Variants in LPXN observed in about 807,000 individuals in gnomAD.
LPXN encodes leupaxin.
LPXN carries 28 observed loss-of-function variants against 45.6 expected under a neutral mutation model. The observed-to-expected ratio is 0.61, with a 90% CI of 0.45 to 0.84. The LOEUF is 0.84. Ranked by LOEUF, LPXN falls within the 40% of genes least tolerant of loss-of-function variation. LPXN has a pLI of 0.00. For synonymous variants in LPXN, 166 were observed against 169.9 expected (o/e 0.98, Z 0.18); for missense variants, 459 against 475.0 (o/e 0.97, Z 0.31).
chr11:58,558,935 A>G lies in LPXN; in HGVS notation c.219-3995T>C, dbSNP rs1328252819. Among the ~76,000 whole-genome samples, 8 of 151,986 alleles carry G rather than the reference A, an allele frequency of 5.3e-5. No homozygotes were observed. The East Asian group carries it at 1.5e-3, about 29-fold the overall frequency. On this transcript the variant is annotated intron_variant, in intron 3 of 8. Coordinates refer to ENST00000395074, the MANE Select transcript of LPXN (RefSeq NM_004811.3). ...AATGAAAAAAATATTGATACAGCTA[A>G]GTTCACAAAACTTAAATATAAATAA...
chr11:58,577,982 T>C (rs774428888), upstream of LPXN: 5 of 1,549,146 alleles, frequency 3.2e-6, no homozygotes, highest in Non-Finnish European at 4.4e-6. Context: ...ATTTAGTCGC[T>C]GACCTCTAGG....
chr11:58,550,208 G>A, intron 5 of LPXN, 62 bp from the exon 6 acceptor site: 5 of 1,508,942 alleles, frequency 3.3e-6, no homozygotes, highest in Non-Finnish European at 4.6e-6. Context: ...CCTACAGGTT[G>A]CACAACTCTA....
chr11:58,537,527 G>T (rs897395878), intron 7 of LPXN, among the ~76,000 whole-genome samples: 1 of 152,018 alleles, frequency 6.6e-6, no homozygotes, highest in Non-Finnish European at 1.5e-5. Flanking sequence ...GGGGACTAGG[G>T]GAGGGATAGC....
intron 7 of LPXN, among the ~76,000 whole-genome samples, chr11:58,549,458 G>A: frequency 6.6e-6 from 1 of 152,104 alleles, no homozygotes; most frequent in East Asian, 1.9e-4. Context: ...AGAAGAAACA[G>A]CTAAAATAAT....
chr11:58,563,853 C>T (rs1854451122), intron 3 of LPXN, among the ~76,000 whole-genome samples: 1 of 152,162 alleles, frequency 6.6e-6, no homozygotes, highest in African/African-American at 2.4e-5. Flanking sequence ...TGAAGCATAA[C>T]ATCTGGAATA....
chr11:58,545,659 T>G (rs1190233616), intron 7 of LPXN, among the ~76,000 whole-genome samples: 1 of 152,138 alleles, frequency 6.6e-6, no homozygotes, highest in Non-Finnish European at 1.5e-5. Flanking sequence ...GGGTCTATTG[T>G]CAAATAAAGC....
intron 7 of LPXN, among the ~76,000 whole-genome samples, chr11:58,537,934 C>T (rs1853601949): frequency 8.3e-6 from 1 of 120,520 alleles, no homozygotes; most frequent in African/African-American, 3.1e-5. Flanking sequence ...CCCCCCACCC[C>T]ACAACAGTCC....
upstream of LPXN, among the ~76,000 whole-genome samples, chr11:58,578,659 C>CT (rs900578800): frequency 9.2e-5 from 14 of 152,306 alleles, no homozygotes; most frequent in South Asian, 4.1e-4. Flanking sequence ...GCCCAGGCTA[C>CT]TTCTGCGGCC....
intron 2 of LPXN, among the ~76,000 whole-genome samples, chr11:58,569,616 C>T (rs1488457426): frequency 6.6e-6 from 1 of 152,018 alleles, no homozygotes; most frequent in Non-Finnish European, 1.5e-5. Context: ...TCTCAAACTC[C>T]TGGCTTCAAG....
At chr11:58,538,137 G>A (rs1449155376) in intron 7 of LPXN, among the ~76,000 whole-genome samples, 1 of 152,038 alleles carries the variant, frequency 6.6e-6, no homozygotes. Context: ...ATTCCATGGT[G>A]TATATGTGCC....
rs114594612 is a variant in LPXN at position 58,532,173 on chromosome 11, G to A, written c.743-3982C>T. Among the ~76,000 whole-genome samples the A allele has an allele frequency of 9.9e-3, 1,515 of 152,356 alleles. 25 individuals are homozygous for A. Among genetic ancestry groups the A allele is most frequent in the African/African-American group, 0.035 (1,459 of 41,576 alleles). On this transcript the variant is annotated intron_variant, in intron 7 of 8. Coordinates refer to ENST00000395074, the MANE Select transcript of LPXN (RefSeq NM_004811.3). ...ATGCTCGAATTCTTGCCAGGCCTCAGCTGCCTCCCTGTGGCGCAGGGCTTG... is the reference window on the plus strand; with the variant it reads ...ATGCTCGAATTCTTGCCAGGCCTCAACTGCCTCCCTGTGGCGCAGGGCTTG...
At chr11:58,551,317 T>C (rs866885967) in intron 4 of LPXN, 85 bp from the exon 5 acceptor site, 7 of 1,139,420 alleles carry the variant, frequency 6.1e-6, no homozygotes, top group Middle Eastern at 2.1e-4. Flanking sequence ...AATTCACCTC[T>C]ACTGACTGAT....
rs1205419972 is a variant in LPXN at position 58,554,826 on chromosome 11, T to C, written c.318+15A>G. 2.5e-6 allele frequency: 4 copies of C among 1,608,870 alleles called. No homozygotes were observed. Among genetic ancestry groups the C allele is most frequent in the Admixed American group, 1.7e-5 (1 of 59,682 alleles). ...GCACTCACCTTGGCCTGCACTCACCTTGGCCTGCACTCACCTTGGCCTGCA... is the reference window on the plus strand; with the variant it reads ...GCACTCACCTTGGCCTGCACTCACCCTGGCCTGCACTCACCTTGGCCTGCA... On this transcript the variant is annotated intron_variant, in intron 4 of 8. Transcript: ENST00000395074.
intron 7 of LPXN, among the ~76,000 whole-genome samples, chr11:58,537,993 A>G (rs1853604516): frequency 2.1e-5 from 3 of 140,168 alleles, no homozygotes; most frequent in South Asian, 2.3e-4. Flanking sequence ...TCACTGTTCA[A>G]TTCCCACCTA....
intron 1 of LPXN, among the ~76,000 whole-genome samples, chr11:58,573,571 C>G (rs1303512833): frequency 6.6e-6 from 1 of 152,154 alleles, no homozygotes; most frequent in Non-Finnish European, 1.5e-5. Context: ...TATCAAAACC[C>G]TTCTTTCTGG....
chr11:58,571,366 T>C (rs1254782602), intron 1 of LPXN, among the ~76,000 whole-genome samples: 1 of 151,286 alleles, frequency 6.6e-6, no homozygotes, highest in Admixed American at 6.6e-5. Flanking sequence ...AATAAATAAA[T>C]AAATAAATAA....
chr11:58,527,137 C>A lies in LPXN; in HGVS notation c.*317G>T. 1 of 238,434 alleles carries A rather than the reference C, an allele frequency of 4.2e-6. No individual in the cohort carries two copies. The highest frequency in any genetic ancestry group is 2.2e-5 in the African/African-American group (1 of 45,036). The allele number at this position is 238,434 out of a possible 1,614,324, so 14.8% of individuals were successfully genotyped here. ...GTGAAAATGGAGAAACCTAAGAAAA[C>A]CAGTGTTGGCATGAATTATGCAAGT... On this transcript the variant is annotated 3_prime_UTR_variant, in exon 9 of 9. Coordinates refer to ENST00000395074, the MANE Select transcript of LPXN (RefSeq NM_004811.3).
intron 3 of LPXN, among the ~76,000 whole-genome samples, chr11:58,559,933 A>C (rs894025365): frequency 6.6e-6 from 1 of 152,176 alleles, no homozygotes; most frequent in Non-Finnish European, 1.5e-5. Context: ...GCCCATGTAC[A>C]TAAGTATGAA....
intron 4 of LPXN, 139 bp from the exon 5 acceptor site, chr11:58,551,371 C>G: frequency 1.6e-6 from 1 of 608,638 alleles, no homozygotes. Context: ...TTGGAAAAAT[C>G]TAAAATTTCA....
Sources: allele counts gnomAD v4.1 joint callset (sites outside exome capture counted in the v4.1 genomes callset), GRCh38; gene constraint gnomAD v4.1.1; transcripts MANE v1.5; gene names NCBI Gene and HGNC (gene_info 2026-07-23, HGNC 2026-07-21).